Variants in GLIS3 observed in about 807,000 individuals in gnomAD.
GLIS3 encodes the protein GLIS family zinc finger 3, also known as zinc finger protein GLIS3.
A neutral mutation model predicts 78.6 loss-of-function variants in GLIS3; 53 were observed. The ratio of observed to expected loss-of-function variants is 0.67; its 90% CI spans 0.54 to 0.85. The LOEUF (loss-of-function observed/expected upper bound fraction) is 0.85. Ranked by LOEUF, GLIS3 falls within the 40% of genes least tolerant of loss-of-function variation. The probability of loss-of-function intolerance (pLI) is 0.00; values close to 1 mark genes in which losing one functional copy is unlikely to be tolerated. For missense variants in GLIS3, 1,703 were observed against 1,231.1 expected (o/e 1.38, Z -5.74); for synonymous variants, 684 against 509.9 (o/e 1.34, Z -4.60).
intron 2 of GLIS3, among the ~76,000 whole-genome samples, chr9:4,247,835 T>C (rs1350214801): frequency 6.6e-6 from 1 of 152,180 alleles, no homozygotes; most frequent in Non-Finnish European, 1.5e-5. Flanking sequence ...ATGTCTATAA[T>C]TTGCAGTGAT....
the GLIS3 span, among the ~76,000 whole-genome samples, chr9:4,463,203 A>G: frequency 1.3e-5 from 2 of 152,202 alleles, no homozygotes; most frequent in African/African-American, 4.8e-5. Flanking sequence ...AATTTTACTA[A>G]TGGTGGGGAA....
intron 2 of GLIS3, among the ~76,000 whole-genome samples, chr9:4,313,164 A>G (rs1817390288): frequency 6.6e-6 from 1 of 152,198 alleles, no homozygotes; most frequent in Non-Finnish European, 1.5e-5. Context: ...GAGGTTGGAC[A>G]TACAGAATGC....
intron 6 of GLIS3, among the ~76,000 whole-genome samples, chr9:3,924,747 G>C (rs1487203308): frequency 6.6e-6 from 1 of 152,194 alleles, no homozygotes; most frequent in Non-Finnish European, 1.5e-5. Flanking sequence ...GAGAGGGAGT[G>C]CCTGAGAAGG....
chr9:4,090,155 G>A (rs1203915284), intron 4 of GLIS3, among the ~76,000 whole-genome samples: 1 of 152,126 alleles, frequency 6.6e-6, no homozygotes, highest in African/African-American at 2.4e-5. Flanking sequence ...TTTAGGCAGA[G>A]TTGTGACACA....
intron 2 of GLIS3, among the ~76,000 whole-genome samples, chr9:4,238,232 G>A (rs749986700): frequency 6.6e-6 from 1 of 152,124 alleles, no homozygotes; most frequent in Non-Finnish European, 1.5e-5. Context: ...CTAAAAGGAA[G>A]GCCAAAAGGA....
intron 2 of GLIS3, among the ~76,000 whole-genome samples, chr9:4,137,978 C>A (rs948173367): frequency 6.6e-5 from 10 of 152,172 alleles, no homozygotes; most frequent in Admixed American, 3.9e-4. Context: ...ACTGAAACAC[C>A]AGCAGAGGCA....
intron 3 of GLIS3, among the ~76,000 whole-genome samples, chr9:4,121,391 C>T (rs1181932898): frequency 1.3e-5 from 2 of 152,080 alleles, no homozygotes; most frequent in Admixed American, 1.3e-4. Context: ...TTTATCTTCC[C>T]AGTGCCTGCC....
intron 4 of GLIS3, among the ~76,000 whole-genome samples, chr9:4,008,406 A>T (rs1821730875): frequency 6.6e-6 from 1 of 152,124 alleles, no homozygotes; most frequent in Non-Finnish European, 1.5e-5. Flanking sequence ...TTCTGCACCA[A>T]AGTGAAGAGG....
intron 6 of GLIS3, among the ~76,000 whole-genome samples, chr9:3,915,912 A>G (rs1824479402): frequency 6.6e-6 from 1 of 152,204 alleles, no homozygotes; most frequent in Non-Finnish European, 1.5e-5. Context: ...TTCTTCCCCA[A>G]CCATCCTCCA....
upstream of GLIS3, among the ~76,000 whole-genome samples, chr9:4,349,624 C>T (rs1284374649): frequency 6.6e-6 from 1 of 152,070 alleles, no homozygotes; most frequent in Non-Finnish European, 1.5e-5. Context: ...AAGTACTTAC[C>T]TTGCAAATTA....
the GLIS3 span, among the ~76,000 whole-genome samples, chr9:4,414,666 G>A: frequency 5.9e-5 from 9 of 152,126 alleles, no homozygotes; most frequent in Non-Finnish European, 1.0e-4. Flanking sequence ...TAGTCAGGTT[G>A]CTCAACCACC....
chr9:4,062,244 A>T (rs191428973), intron 4 of GLIS3, among the ~76,000 whole-genome samples: 1 of 152,354 alleles, frequency 6.6e-6, no homozygotes, highest in East Asian at 1.9e-4. Flanking sequence ...AGAGAAAGGC[A>T]TTTCATAATG....
intron 2 of GLIS3, among the ~76,000 whole-genome samples, chr9:4,155,316 A>G (rs1425373628): frequency 6.6e-6 from 1 of 152,222 alleles, no homozygotes; most frequent in Admixed American, 6.5e-5. Context: ...ATTGTGCAGC[A>G]AATGACATCA....
At chr9:4,236,051 T>C (rs537946982) in intron 2 of GLIS3, among the ~76,000 whole-genome samples, 1 of 152,158 alleles carries the variant, frequency 6.6e-6, no homozygotes, top group South Asian at 2.1e-4. Context: ...TAGTCATTGT[T>C]CCTAGTAAAA....
At chr9:4,428,838 C>A in the GLIS3 span, among the ~76,000 whole-genome samples, 2 of 152,166 alleles carry the variant, frequency 1.3e-5, no homozygotes, top group African/African-American at 4.8e-5. Context: ...CCTACCAAGC[C>A]TGTTCATCTG....
At chr9:4,222,652 T>G (rs910384144) in intron 2 of GLIS3, among the ~76,000 whole-genome samples, 2 of 152,238 alleles carry the variant, frequency 1.3e-5, no homozygotes, top group South Asian at 2.1e-4. Flanking sequence ...TGTTTGGATG[T>G]GAAGGTCAAA....
chr9:4,401,571 CTT>C, the GLIS3 span, among the ~76,000 whole-genome samples: 33 of 120,478 alleles, frequency 2.7e-4, no homozygotes, highest in Admixed American at 2.5e-4. Flanking sequence ...TCCTTTCTTT[CTT>C]TTTTTTTTTT....
chr9:4,303,761 T>C (rs1817154545), upstream of GLIS3, among the ~76,000 whole-genome samples: 1 of 152,214 alleles, frequency 6.6e-6, no homozygotes, highest in Non-Finnish European at 1.5e-5. Context: ...CTGAGATGTA[T>C]CTAAAATTCA....
At chr9:4,025,366 T>C (rs1019865601) in intron 4 of GLIS3, among the ~76,000 whole-genome samples, 1 of 152,110 alleles carries the variant, frequency 6.6e-6, no homozygotes, top group Non-Finnish European at 1.5e-5. Flanking sequence ...ATACAACGCT[T>C]TGACCCTTGG....
Sources: allele counts gnomAD v4.1 joint callset (sites outside exome capture counted in the v4.1 genomes callset), GRCh38; gene constraint gnomAD v4.1.1; transcripts MANE v1.5; gene names NCBI Gene and HGNC (gene_info 2026-07-23, HGNC 2026-07-21).